Variants in MADD observed in about 807,000 individuals in gnomAD.
MADD encodes MAP kinase activating death domain, also known as MAP kinase-activating death domain protein.
Under a neutral mutation model 176.7 loss-of-function variants are expected in MADD, and 109 were observed. The observed-to-expected ratio is 0.62, with a 90% CI of 0.53 to 0.72. The LOEUF is 0.72. Ranked by LOEUF, MADD falls within the 30% of genes least tolerant of loss-of-function variation. The pLI, the probability that MADD is intolerant of heterozygous loss-of-function variation, is 0.00. For synonymous variants in MADD, 771 were observed against 771.3 expected, an observed-to-expected ratio of 1.00 and a Z score of 0.01; for missense variants, 1,914 against 2,045.5, an observed-to-expected ratio of 0.94 and a Z score of 1.24.
At chr11:47,316,446 T>C (rs1204204989) in intron 27 of MADD, among the ~76,000 whole-genome samples, 1 of 147,886 alleles carries the variant, frequency 6.8e-6, no homozygotes, top group Non-Finnish European at 1.5e-5. Context: ...TGGAGTGCAA[T>C]GGCTTGATCT....
At chr11:47,327,487 C>A in intron 31 of MADD, 2 of 985,456 alleles carry the variant, frequency 2.0e-6, no homozygotes, top group Middle Eastern at 1.0e-3. Context: ...CAGGTCTCTG[C>A]CTTGGGCCCT....
intron 3 of MADD, 103 bp from the exon 4 acceptor site, chr11:47,275,796 C>T (rs1160729953): frequency 7.9e-6 from 9 of 1,134,768 alleles, no homozygotes; most frequent in African/African-American, 3.1e-5. Flanking sequence ...AATGATGCTC[C>T]GTTTCCCATT....
intron 19 of MADD, among the ~76,000 whole-genome samples, chr11:47,293,059 G>A (rs1470203886): frequency 6.6e-6 from 1 of 152,064 alleles, no homozygotes; most frequent in Non-Finnish European, 1.5e-5. Context: ...ATTGTGGGTG[G>A]GTGGGGGACA....
intron 19 of MADD, 89 bp from the exon 21 acceptor site, chr11:47,292,454 C>T (rs1235999711): frequency 2.7e-5 from 31 of 1,159,048 alleles, no homozygotes; most frequent in Middle Eastern, 3.8e-4. Flanking sequence ...GAGACTGAAT[C>T]GACTTGGGTG....
At chr11:47,310,633 C>T (rs1385100058) in intron 25 of MADD, among the ~76,000 whole-genome samples, 2 of 151,870 alleles carry the variant, frequency 1.3e-5, no homozygotes, top group Admixed American at 1.3e-4. Context: ...GGACCAGGCG[C>T]GGTGGCTCAT....
exon 12 of MADD, chr11:47,284,402 T>C (rs1375636782): frequency 6.2e-7 from 1 of 1,614,082 alleles, no homozygotes; most frequent in African/African-American, 1.3e-5. Context: ...CATGCAGCAC[T>C]GGGGGATGCC....
rs558779008 is a variant in MADD at position 47,305,467 on chromosome 11, G to A, written c.3643-3124G>A. Among the ~76,000 whole-genome samples the A allele has an allele frequency of 3.3e-5, 5 of 152,226 alleles. No individual in the cohort carries two copies. The South Asian group carries it at 8.3e-4, about 25-fold the overall frequency. ...ATAGCACTGGCCTTACTCTGTGGAA[G>A]AAGGGGTGCTCTGGAGGTTTGGGCC... On this transcript the variant is annotated intron_variant, in intron 22 of 32. Transcript: ENST00000402192.
rs769959099 is a variant in MADD, at chr11:47,274,644, G to A, written c.144G>A (p.Leu48=). The A allele has an allele frequency of 1.6e-4, 260 of 1,614,062 alleles. 1 individual carries two copies. The highest frequency in any genetic ancestry group is 1.9e-4 in the Non-Finnish European group (225 of 1,180,040). Reference sequence around the variant, plus strand: ...TGGAGGATCACACTGAGTTTCCCCTGCCCCCAGATGTAGTGTTCTTCTGCC... The same window carrying A: ...TGGAGGATCACACTGAGTTTCCCCTACCCCCAGATGTAGTGTTCTTCTGCC... The change falls in exon 3 of 33, where the codon CTG becomes CTA. Residue 48 remains leucine, a synonymous_variant. Coordinates refer to ENST00000402192, the Ensembl canonical transcript of MADD.
At chr11:47,273,709 T>C (rs988051002) in intron 1 of MADD, 118 bp from the exon 2 acceptor site, 1 of 516,958 alleles carries the variant, frequency 1.9e-6, no homozygotes, top group Non-Finnish European at 3.5e-6. Flanking sequence ...CAAGTTCTCC[T>C]ATCATTAGTA....
At chr11:47,327,874 G>A in intron 31 of MADD, 1 of 985,394 alleles carries the variant, frequency 1.0e-6, no homozygotes, top group Non-Finnish European at 1.2e-6. Flanking sequence ...TGAGCCTGGG[G>A]GGCCTACTCC....
Position 47,282,960 on chromosome 11 carries a change from C to G in MADD, c.1853C>G (p.Thr618Ser), listed in dbSNP as rs758614665. The stretch of plus-strand genomic sequence containing the variant: ...GAGCGGGACTCTGACTCCGAACCTA[C>G]TGATGATAGGTGAGCATCCTTAGGG... Residue 618 changes from threonine (T) to serine (S), a missense_variant, in exon 10 of 33, where the codon ACT (threonine) becomes AGT (serine). By Grantham distance (58) the Thr-to-Ser change is moderately conservative. This residue lies in a region of MADD where 1,767 missense variants were observed against 1,836.0 expected (regional missense o/e 0.96). Transcript: ENST00000402192. 1.2e-6 allele frequency: 2 copies of G among 1,613,610 alleles called. No homozygotes were observed. Among genetic ancestry groups the G allele is most frequent in the Non-Finnish European group, 8.5e-7 (1 of 1,179,974 alleles).
At chr11:47,286,059 T>C (rs1335400481) in intron 14 of MADD, among the ~76,000 whole-genome samples, 1 of 152,206 alleles carries the variant, frequency 6.6e-6, no homozygotes, top group Admixed American at 6.5e-5. Context: ...GACCATGGAC[T>C]AGAGAGAGCG....
At chr11:47,326,864 G>C in intron 31 of MADD, 57 bp downstream of exon 35, 1 of 1,609,416 alleles carries the variant, frequency 6.2e-7, no homozygotes, top group Admixed American at 1.7e-5. Flanking sequence ...CTCAAACCTC[G>C]GAGCTCCAGA....
chr11:47,278,278 G>A, exon 6 of MADD: 1 of 1,608,438 alleles, frequency 6.2e-7, no homozygotes, highest in Non-Finnish European at 8.5e-7. Context: ...ACAGCAATAG[G>A]GTGAGGTTCT....
Position 47,307,054 on chromosome 11 carries a change from A to G in MADD, c.3643-1537A>G, listed in dbSNP as rs368968741. ...GTAGCTGGGACTGTAGGCATGCACC[A>G]TCCCTCCTGGCTGAGATTTTTATAC... is the stretch of plus-strand genomic sequence containing the variant. On this transcript the variant is annotated intron_variant, in intron 22 of 32. Transcript: ENST00000402192. 2.0e-5 allele frequency among the ~76,000 whole-genome samples: 3 copies of G among 148,084 alleles called. No individual in the cohort carries two copies. The East Asian group carries it at 6.0e-4, about 30-fold the overall frequency.
chr11:47,290,524 T>C, intron 18 of MADD, 86 bp from the exon 20 acceptor site: 1 of 1,396,102 alleles, frequency 7.2e-7, no homozygotes, highest in Non-Finnish European at 9.9e-7. Flanking sequence ...TTCCGCACCC[T>C]CCTGTATCCT....
At chr11:47,311,340 C>T (rs979381277) in intron 25 of MADD, among the ~76,000 whole-genome samples, 7 of 152,200 alleles carry the variant, frequency 4.6e-5, no homozygotes, top group African/African-American at 1.4e-4. Flanking sequence ...TGATCCCTAA[C>T]CTTCAGAGAT....
chr11:47,289,009 G>T, intron 15 of MADD: 1 of 1,594,102 alleles, frequency 6.3e-7, no homozygotes, highest in South Asian at 1.2e-5. Flanking sequence ...TACTGAAGCC[G>T]GCCCCGGGAG....
At chr11:47,285,361 G>A in intron 13 of MADD, 90 bp from the exon 14 acceptor site, 1 of 1,573,568 alleles carries the variant, frequency 6.4e-7, no homozygotes, top group Non-Finnish European at 8.6e-7. Flanking sequence ...CGGGAAGGGA[G>A]TGGCAACTGT....
Sources: allele counts gnomAD v4.1 joint callset (sites outside exome capture counted in the v4.1 genomes callset), GRCh38; gene constraint gnomAD v4.1.1; regional missense constraint gnomAD v4.1.1; transcripts MANE v1.5; gene names NCBI Gene and HGNC (gene_info 2026-07-23, HGNC 2026-07-21).